Variants in AFF3 observed in about 807,000 individuals in gnomAD.
AFF3 encodes the protein AF4/FMR2 family member 3.
AFF3 carries 32 observed loss-of-function variants against 129.7 expected under a neutral mutation model. The ratio of observed to expected loss-of-function variants is 0.25; its 90% CI spans 0.19 to 0.33. AFF3 has a LOEUF of 0.33. Among genes scored for constraint, AFF3 ranks in the 10% least tolerant of loss-of-function variants. The probability of loss-of-function intolerance (pLI) is 1.00; values close to 1 mark genes in which losing one functional copy is unlikely to be tolerated. For synonymous variants in AFF3, 644 were observed against 635.4 expected (o/e 1.01, Z -0.20); for missense variants, 1,373 against 1,592.0 (o/e 0.86, Z 2.34).
intron 7 of AFF3, among the ~76,000 whole-genome samples, chr2:99,971,081 CTAAA>C (rs1204671226): frequency 6.6e-6 from 1 of 152,220 alleles, no homozygotes; most frequent in Non-Finnish European, 1.5e-5. Flanking sequence ...CCCCCTGACT[CTAAA>C]TAACTCTTTT....
intron 11 of AFF3, among the ~76,000 whole-genome samples, chr2:99,700,965 T>C (rs1235113940): frequency 1.3e-5 from 2 of 152,174 alleles, no homozygotes; most frequent in Non-Finnish European, 2.9e-5. Flanking sequence ...GCCCAATGCT[T>C]TCACACTTCG....
rs528185350 is a variant in AFF3 at position 99,667,779 on chromosome 2, G to A, written c.1143+4759C>T. 1.6e-4 allele frequency among the ~76,000 whole-genome samples: 24 copies of A among 152,228 alleles called. 1 individual carries two copies. In the South Asian group the frequency reaches 2.9e-3, roughly 18 times the overall value. ...CGGATAGACTTATTACTGAAGAACAGTGTACCACTTATACCCAGTATGAAA... is the reference window on the plus strand; with the variant it reads ...CGGATAGACTTATTACTGAAGAACAATGTACCACTTATACCCAGTATGAAA... On this transcript the variant is annotated intron_variant, in intron 12 of 24. Coordinates refer to ENST00000672756, the MANE Select transcript of AFF3 (RefSeq NM_001386135.1).
chr2:99,894,727 G>A (rs369495449), intron 7 of AFF3, among the ~76,000 whole-genome samples: 4 of 151,818 alleles, frequency 2.6e-5, no homozygotes, highest in East Asian at 3.9e-4. Flanking sequence ...CGCCTACCTC[G>A]GCCTCCCAAA....
At chr2:99,900,821 C>T (rs1350145562) in intron 7 of AFF3, among the ~76,000 whole-genome samples, 4 of 152,154 alleles carry the variant, frequency 2.6e-5, no homozygotes, top group Non-Finnish European at 5.9e-5. Context: ...GGGAAATGCC[C>T]ATGACGAAAG....
chr2:99,805,166 C>A (rs1273871847), intron 8 of AFF3, among the ~76,000 whole-genome samples: 17 of 152,130 alleles, frequency 1.1e-4, no homozygotes, highest in South Asian at 2.1e-4. Flanking sequence ...AAAGTCATCA[C>A]CCAGCTGATG....
intron 7 of AFF3, among the ~76,000 whole-genome samples, chr2:99,988,309 T>C (rs1415271403): frequency 6.6e-6 from 1 of 152,308 alleles, no homozygotes; most frequent in East Asian, 1.9e-4. Context: ...AGTAGATGCA[T>C]ATTTCTGGTA....
intron 7 of AFF3, among the ~76,000 whole-genome samples, chr2:99,921,377 A>AG (rs1237914168): frequency 6.6e-6 from 1 of 152,146 alleles, no homozygotes; most frequent in African/African-American, 2.4e-5. Context: ...GAGGAAACTG[A>AG]GGAGTTATCA....
chr2:99,663,171 T>A (rs1686392217), intron 12 of AFF3, among the ~76,000 whole-genome samples: 1 of 152,210 alleles, frequency 6.6e-6, no homozygotes, highest in Non-Finnish European at 1.5e-5. Context: ...AATTGTCATA[T>A]TAAAAAGAAA....
chr2:99,757,469 A>G (rs1367465799), intron 8 of AFF3, among the ~76,000 whole-genome samples: 1 of 152,212 alleles, frequency 6.6e-6, no homozygotes, highest in Non-Finnish European at 1.5e-5. Flanking sequence ...ATTCTCATTT[A>G]TTAAGCATTT....
chr2:99,867,997 C>T (rs1004153418), intron 7 of AFF3, among the ~76,000 whole-genome samples: 1 of 151,034 alleles, frequency 6.6e-6, no homozygotes, highest in Non-Finnish European at 1.5e-5. Context: ...CTCATTAACA[C>T]CCACGACTCT....
intron 10 of AFF3, among the ~76,000 whole-genome samples, chr2:99,743,378 G>T (rs1483897383): frequency 6.6e-6 from 1 of 152,188 alleles, no homozygotes; most frequent in African/African-American, 2.4e-5. Flanking sequence ...TTCAAATGCA[G>T]CTTTGTAATT....
chr2:100,094,776 T>A (rs200599306), intron 4 of AFF3, among the ~76,000 whole-genome samples: 16,021 of 129,934 alleles, frequency 0.12, 964 homozygotes, highest in East Asian at 0.21. Flanking sequence ...TCTATTTTAG[T>A]AAACTACAGA....
In AFF3 at chr2:99,752,286, G is replaced by A. The variant is rs200707600; in HGVS notation, c.937C>T (p.Pro313Ser). ...EEIIREMTWL[P>S]PLSAIQAPGK... ...GGTGCTTGAATAGCAGAAAGTGGTG[G>A]AAGCCAGGTCATCTCCTGAAGGACG... The change falls in exon 9 of 25, where the codon CCA (proline) becomes TCA (serine). Residue 313 changes from proline to serine, a missense_variant. By Grantham distance (74) the Pro-to-Ser change is moderately conservative. Coordinates refer to ENST00000672756, the MANE Select transcript of AFF3 (RefSeq NM_001386135.1). 11 of 1,613,966 alleles carry A rather than the reference G, an allele frequency of 6.8e-6. No individual in the cohort carries two copies. The highest frequency in any genetic ancestry group is 1.1e-5 in the South Asian group (1 of 91,066).
At chr2:99,745,104 T>C (rs6757262) in intron 9 of AFF3, among the ~76,000 whole-genome samples, 112,115 of 152,114 alleles carry the variant, frequency 0.74, 42,175 homozygotes, top group East Asian at 0.92. Flanking sequence ...CACTGCAGTT[T>C]TGATTTGTAT....
chr2:99,788,109 AG>A (rs1408369334), intron 8 of AFF3, among the ~76,000 whole-genome samples: 1 of 152,224 alleles, frequency 6.6e-6, no homozygotes, highest in Non-Finnish European at 1.5e-5. Context: ...GTCATATAAA[AG>A]TATGGCACAT....
At chr2:100,001,228 C>T (rs1681377924) in intron 7 of AFF3, among the ~76,000 whole-genome samples, 1 of 152,160 alleles carries the variant, frequency 6.6e-6, no homozygotes, top group Non-Finnish European at 1.5e-5. Context: ...TAGTTTCCCA[C>T]CCTTGAGGCT....
chr2:100,028,948 G>A (rs1455701383), intron 4 of AFF3, among the ~76,000 whole-genome samples: 1 of 151,462 alleles, frequency 6.6e-6, no homozygotes, highest in African/African-American at 2.4e-5. Flanking sequence ...GCGGGGTCTT[G>A]GAGAGATATC....
intron 7 of AFF3, among the ~76,000 whole-genome samples, chr2:99,985,054 G>T (rs192650335): frequency 2.6e-5 from 4 of 152,304 alleles, no homozygotes; most frequent in Admixed American, 1.3e-4. Flanking sequence ...ATTAAGAACA[G>T]ATTTCATCAC....
At chr2:99,708,180 T>A (rs1034586254) in intron 11 of AFF3, among the ~76,000 whole-genome samples, 1 of 152,194 alleles carries the variant, frequency 6.6e-6, no homozygotes, top group African/African-American at 2.4e-5. Flanking sequence ...AAATTCAAAT[T>A]TAACTGGGCG....
Sources: gnomAD v4.1 joint callset for allele counts (sites outside exome capture counted in the v4.1 genomes callset) on GRCh38, gnomAD v4.1.1 for gene constraint, MANE v1.5 for transcripts, NCBI Gene and HGNC (gene_info 2026-07-23, HGNC 2026-07-21) for gene names.